Variants in ESM1 observed in about 807,000 individuals in gnomAD.
ESM1 encodes endothelial cell specific molecule 1.
ESM1 carries 7 observed loss-of-function variants against 14.9 expected under a neutral mutation model. The ratio of observed to expected loss-of-function variants is 0.47; its 90% confidence interval spans 0.27 to 0.88. The LOEUF (loss-of-function observed/expected upper bound fraction) is 0.88, where lower values mean the gene tolerates loss of function less well. Ranked by LOEUF, ESM1 falls within the 40% of genes least tolerant of loss-of-function variation. The pLI is 0.14. For synonymous variants in ESM1, 89 were observed against 89.4 expected, an observed-to-expected ratio of 1.00 and a Z score of 0.02; for missense variants, 192 against 237.9, an observed-to-expected ratio of 0.81 and a Z score of 1.27.
chr5:54,979,576 T>C lies in ESM1; in HGVS notation c.452-141A>G, dbSNP rs569922861. On this transcript the variant is annotated intron_variant, in intron 2 of 2. Coordinates refer to ENST00000381405, the MANE Select transcript of ESM1 (RefSeq NM_007036.5). ...ATTCCATGCTAACTGTATTCACTGC[T>C]CTATATCAGTGAGCACCTCTATATA... is the stretch of plus-strand genomic sequence containing the variant. 4.0e-4 allele frequency: 250 copies of C among 632,752 alleles called. 2 individuals are homozygous for C. The highest frequency in any genetic ancestry group is 3.6e-3 in the South Asian group (192 of 52,686). The allele number at this position is 632,752 out of a possible 1,614,324, so 39.2% of individuals were successfully genotyped here.
At position 54,979,086 on chromosome 5, in the gene ESM1, A is replaced by C. The variant is rs748652429; in HGVS notation, c.*246T>G. On this transcript the variant is annotated 3_prime_UTR_variant, in exon 3 of 3. Transcript: ENST00000381405. ...ATTGCATTTTTAGTTCTTCAGTGTT[A>C]CTATACACACACATTTAACAAATCT... The C allele has an allele frequency of 1.6e-4, 65 of 419,324 alleles. No homozygotes were observed. Among genetic ancestry groups the C allele is most frequent in the Non-Finnish European group, 2.4e-4 (56 of 233,010 alleles). The allele number at this position is 419,324 out of a possible 1,614,324, so 26.0% of individuals were successfully genotyped here. A position where few individuals can be genotyped will look rare whatever the true frequency, so the allele number is the denominator to read the frequency against.
In ESM1 at chr5:54,978,647, T is replaced by A; in HGVS notation, c.*685A>T. ...CATACGTTAAAGCTATTTATGGAAGTGTATGTGTTTCCTATGCCCCAGAAC... is the reference window on the plus strand; with the variant it reads ...CATACGTTAAAGCTATTTATGGAAGAGTATGTGTTTCCTATGCCCCAGAAC... On this transcript the variant is annotated 3_prime_UTR_variant, in exon 3 of 3. Coordinates refer to ENST00000381405, the MANE Select transcript of ESM1 (RefSeq NM_007036.5). The A allele has an allele frequency of 6.6e-6, 1 of 152,488 alleles. No homozygotes were observed. Among genetic ancestry groups the A allele is most frequent in the Non-Finnish European group, 1.5e-5 (1 of 68,026 alleles). 9.4% of individuals were successfully genotyped at this position (152,488 alleles called of 1,614,324 possible).
intron 1 of ESM1, 146 bp from the exon 2 acceptor site, chr5:54,982,292 T>G (rs1178636611): frequency 2.8e-6 from 2 of 717,820 alleles, no homozygotes; most frequent in Non-Finnish European, 4.5e-6. Flanking sequence ...AACCCAGGAT[T>G]TGAAAGTTGA....
chr5:54,979,306 C>A lies in ESM1; in HGVS notation c.*26G>T, dbSNP rs776134062. ...GTGTTGAACAATCACGAAAATAGAG[C>A]CTTCTCTCAGAAATCACAGCCGGGA... On this transcript the variant is annotated 3_prime_UTR_variant, in exon 3 of 3. Coordinates refer to ENST00000381405, the MANE Select transcript of ESM1 (RefSeq NM_007036.5). 3.3e-6 allele frequency: 5 copies of A among 1,519,142 alleles called. No homozygotes were observed. The South Asian group carries it at 4.5e-5, about 14-fold the overall frequency. 94.1% of individuals were successfully genotyped at this position (1,519,142 alleles called of 1,614,324 possible). A position where few individuals can be genotyped will look rare whatever the true frequency, so the allele number is the denominator to read the frequency against.
chr5:54,981,750 T>C lies in ESM1; in HGVS notation c.451+247A>G, dbSNP rs530652827. ...TGGTAATCAATCATATTTATCCTCC[T>C]ATAAATCATATTTAAACCAGGTAAA... On this transcript the variant is annotated intron_variant, in intron 2 of 2. Transcript: ENST00000381405. 1.2e-4 allele frequency among the ~76,000 whole-genome samples: 18 copies of C among 152,346 alleles called. No individual in the cohort carries two copies. In the South Asian group the frequency reaches 3.1e-3, roughly 26 times the overall value.
chr5:54,979,222 T>A lies in ESM1; in HGVS notation c.*110A>T. 1.3e-6 allele frequency: 1 copy of A among 772,950 alleles called. No homozygotes were observed. Among genetic ancestry groups the A allele is most frequent in the South Asian group, 1.6e-5 (1 of 61,094 alleles). 47.9% of individuals were successfully genotyped at this position (772,950 alleles called of 1,614,324 possible). ...TGGATCCACCATGCATCACATTTGGTCTTCAAAAATTACATGTCCTTATGC... is the reference window on the plus strand; with the variant it reads ...TGGATCCACCATGCATCACATTTGGACTTCAAAAATTACATGTCCTTATGC... On this transcript the variant is annotated 3_prime_UTR_variant, in exon 3 of 3. Coordinates refer to ENST00000381405, the MANE Select transcript of ESM1 (RefSeq NM_007036.5).
intron 2 of ESM1, among the ~76,000 whole-genome samples, chr5:54,980,497 A>G (rs1020197241): frequency 6.6e-6 from 1 of 152,172 alleles, no homozygotes; most frequent in Non-Finnish European, 1.5e-5. Context: ...AGCCTCCCCA[A>G]GAGGTCCTTA....
intron 1 of ESM1, among the ~76,000 whole-genome samples, chr5:54,984,178 A>T (rs1035196408): frequency 4.6e-5 from 7 of 152,126 alleles, no homozygotes; most frequent in African/African-American, 1.7e-4. Context: ...TGAGATTAGC[A>T]CAATACTGGA....
In ESM1 at chr5:54,982,076, C is replaced by G; in HGVS notation, c.372G>C (p.Arg124Ser). The G allele has an allele frequency of 6.2e-7, 1 of 1,614,140 alleles. No homozygotes were observed. Among genetic ancestry groups the G allele is most frequent in the Non-Finnish European group, 8.5e-7 (1 of 1,179,980 alleles). ...TCNCQSGICD[R>S]GTGKCLKFPF... ...GGAATTTCAGGCATTTTCCCGTCCCCCTGTCACAGATGCCTGACTGGCAGT... is the reference window on the plus strand; with the variant it reads ...GGAATTTCAGGCATTTTCCCGTCCCGCTGTCACAGATGCCTGACTGGCAGT... The change falls in exon 2 of 3, where the codon AGG (arginine) becomes AGC (serine). Residue 124 changes from arginine (R) to serine (S), a missense_variant. By Grantham distance (110) the Arg-to-Ser change is moderately radical. Coordinates refer to ENST00000381405, the MANE Select transcript of ESM1 (RefSeq NM_007036.5).
intron 2 of ESM1, among the ~76,000 whole-genome samples, chr5:54,981,636 A>G (rs1046183746): frequency 6.6e-6 from 1 of 152,258 alleles, no homozygotes; most frequent in Non-Finnish European, 1.5e-5. Context: ...GGAGATAAAT[A>G]GTTTTGTCTA....
chr5:54,983,038 T>C (rs1740424306), intron 1 of ESM1, among the ~76,000 whole-genome samples: 1 of 152,208 alleles, frequency 6.6e-6, no homozygotes, highest in Non-Finnish European at 1.5e-5. Context: ...TAGAATATTC[T>C]CTTGTTGTGA....
Position 54,979,328 on chromosome 5 carries a change from G to A in ESM1, c.*4C>T, listed in dbSNP as rs139700571. The A allele has an allele frequency of 6.0e-5, 96 of 1,605,306 alleles. No homozygotes were observed. Among genetic ancestry groups the A allele is most frequent in the Non-Finnish European group, 7.1e-5 (83 of 1,172,362 alleles). The stretch of plus-strand genomic sequence containing the variant: ...GAGCCTTCTCTCAGAAATCACAGCC[G>A]GGATCAGCGTGGATTTAACCATTTC... On this transcript the variant is annotated 3_prime_UTR_variant, in exon 3 of 3. Coordinates refer to ENST00000381405, the MANE Select transcript of ESM1 (RefSeq NM_007036.5).
intron 1 of ESM1, among the ~76,000 whole-genome samples, chr5:54,982,357 G>A (rs529398669): frequency 6.6e-6 from 1 of 152,192 alleles, no homozygotes; most frequent in East Asian, 1.9e-4. Flanking sequence ...TGGATGCCTC[G>A]GGCTTAGTGT....
Position 54,980,140 on chromosome 5 carries a change from C to A in ESM1, c.452-705G>T, listed in dbSNP as rs139362252. Among the ~76,000 whole-genome samples the A allele has an allele frequency of 2.0e-4, 31 of 152,254 alleles. No individual in the cohort carries two copies. The East Asian group carries it at 5.8e-3, about 28-fold the overall frequency. ...TTCCAGATCTTACTCCCCCAAGACCCTCGTACACAAAAACTTACTTGTGAA... is the reference window on the plus strand; with the variant it reads ...TTCCAGATCTTACTCCCCCAAGACCATCGTACACAAAAACTTACTTGTGAA... On this transcript the variant is annotated intron_variant, in intron 2 of 2. Coordinates refer to ENST00000381405, the MANE Select transcript of ESM1 (RefSeq NM_007036.5).
intron 1 of ESM1, 109 bp from the exon 2 acceptor site, chr5:54,982,255 G>T: frequency 9.9e-7 from 1 of 1,014,396 alleles, no homozygotes; most frequent in Non-Finnish European, 1.4e-6. Flanking sequence ...CATGAACCTT[G>T]ACTGTAAAGT....
intron 2 of ESM1, among the ~76,000 whole-genome samples, chr5:54,981,607 CT>C (rs1744052935): frequency 6.6e-6 from 1 of 152,122 alleles, no homozygotes; most frequent in Non-Finnish European, 1.5e-5. Flanking sequence ...CCTCACAGTA[CT>C]TTTTCTATGT....
At chr5:54,982,772 C>T (rs1400439722) in intron 1 of ESM1, among the ~76,000 whole-genome samples, 1 of 152,098 alleles carries the variant, frequency 6.6e-6, no homozygotes, top group African/African-American at 2.4e-5. Context: ...CTAGTAAAAT[C>T]CTCTGCAAGG....
intron 2 of ESM1, among the ~76,000 whole-genome samples, chr5:54,980,222 A>T (rs1212668568): frequency 3.3e-5 from 5 of 152,202 alleles, no homozygotes. Flanking sequence ...AACACTGTGG[A>T]CAGGAAGCAC....
At chr5:54,980,398 C>A (rs771669137) in intron 2 of ESM1, among the ~76,000 whole-genome samples, 1 of 152,118 alleles carries the variant, frequency 6.6e-6, no homozygotes, top group Non-Finnish European at 1.5e-5. Context: ...AGGAGTGAAG[C>A]CCAAGCCTTC....
Sources: gnomAD v4.1 joint callset for allele counts (sites outside exome capture counted in the v4.1 genomes callset) on GRCh38, gnomAD v4.1.1 for gene constraint, MANE v1.5 for transcripts, NCBI Gene and HGNC (gene_info 2026-07-23, HGNC 2026-07-21) for gene names.